The following SUGCT variants were observed in gnomAD, a reference collection of about 807,000 sequenced individuals.
SUGCT encodes the protein succinyl-CoA:glutarate CoA-transferase.
Under a neutral mutation model 55.0 loss-of-function variants are expected in SUGCT, and 41 were observed. The ratio of observed to expected loss-of-function variants is 0.74; its 90% CI spans 0.58 to 0.97. SUGCT has a LOEUF of 0.97. Ranked by LOEUF, SUGCT falls within the 50% of genes least tolerant of loss-of-function variation. SUGCT has a pLI of 0.00. For missense variants in SUGCT, 568 were observed against 547.8 expected, an observed-to-expected ratio of 1.04 and a Z score of -0.37; for synonymous variants, 187 against 200.4, an observed-to-expected ratio of 0.93 and a Z score of 0.56.
At chr7:40,720,030 C>T (rs993820683) in intron 12 of SUGCT, among the ~76,000 whole-genome samples, 1 of 152,166 alleles carries the variant, frequency 6.6e-6, no homozygotes, top group Admixed American at 6.5e-5. Flanking sequence ...AAGTGATCCA[C>T]CTGCCTCGGC....
chr7:40,862,238 G>C (rs1794501962), downstream of SUGCT, among the ~76,000 whole-genome samples: 1 of 151,330 alleles, frequency 6.6e-6, no homozygotes, highest in African/African-American at 2.4e-5. Flanking sequence ...GTACAGCTCA[G>C]TCTTCAGACA....
intron 12 of SUGCT, among the ~76,000 whole-genome samples, chr7:40,711,731 T>C (rs535732859): frequency 4.6e-5 from 7 of 152,348 alleles, no homozygotes; most frequent in African/African-American, 1.4e-4. Flanking sequence ...GAGTCACTCA[T>C]TGAATTTATA....
intron 13 of SUGCT, among the ~76,000 whole-genome samples, chr7:40,794,626 CT>C (rs768224495): frequency 1.3e-5 from 2 of 152,124 alleles, no homozygotes; most frequent in Non-Finnish European, 2.9e-5. Flanking sequence ...CCTGGGGAAG[CT>C]GCTAGCTTCG....
chr7:40,749,287 T>A, intron 12 of SUGCT, 147 bp from the exon 13 acceptor site: 3 of 683,040 alleles, frequency 4.4e-6, no homozygotes, highest in Non-Finnish European at 7.8e-6. Context: ...TTATGTCAAA[T>A]GTTTACTTTC....
intron 7 of SUGCT, among the ~76,000 whole-genome samples, chr7:40,243,807 AACTT>A (rs1348670131): frequency 6.6e-6 from 1 of 152,224 alleles, no homozygotes; most frequent in African/African-American, 2.4e-5. Flanking sequence ...AATTTAAAAA[AACTT>A]AATAACATCT....
chr7:40,781,466 GATACACACACAC>G (rs372507227), intron 13 of SUGCT, among the ~76,000 whole-genome samples: 141 of 152,108 alleles, frequency 9.3e-4, no homozygotes, highest in Non-Finnish European at 1.6e-3. Flanking sequence ...GTGCAGGGAA[GATACACACACAC>G]ATACACACAC....
intron 9 of SUGCT, among the ~76,000 whole-genome samples, chr7:40,404,097 G>C (rs1786231081): frequency 6.6e-6 from 1 of 152,168 alleles, no homozygotes; most frequent in South Asian, 2.1e-4. Flanking sequence ...ACTGGTACAG[G>C]TCACTTAGGA....
At chr7:40,901,304 TCTC>T in the SUGCT span, among the ~76,000 whole-genome samples, 4 of 152,196 alleles carry the variant, frequency 2.6e-5, no homozygotes, top group Admixed American at 6.5e-5. Context: ...TGGTCCTAAA[TCTC>T]CTGTTTTCTC....
In SUGCT at chr7:40,459,197, C is replaced by G; in HGVS notation, c.985C>G (p.Arg329Gly). 6.3e-7 allele frequency: 1 copy of G among 1,578,364 alleles called. No individual in the cohort carries two copies. Among genetic ancestry groups the G allele is most frequent in the Non-Finnish European group, 8.7e-7 (1 of 1,150,570 alleles). ...AGAGCTTATTAAAATATTATCTGAA[C>G]GGTAAGTTTGGATGTTGTATTCATC... Reference protein sequence around the residue: ...RKELIKILSERFEEELTSKWL... With the variant: ...RKELIKILSEGFEEELTSKWL... The change falls in exon 11 of 14, where the codon CGG (arginine) becomes GGG (glycine). Residue 329 changes from arginine (R) to glycine (G), a missense_variant and splice_region_variant. By Grantham distance (125) the Arg-to-Gly change is moderately radical (BLOSUM62 -2). Coordinates refer to ENST00000335693, the MANE Select transcript of SUGCT (RefSeq NM_001193313.2).
chr7:40,920,909 C>T, the SUGCT span, among the ~76,000 whole-genome samples: 2 of 152,304 alleles, frequency 1.3e-5, no homozygotes, highest in East Asian at 1.9e-4. Context: ...AAATGCCAAG[C>T]GTGTTCATTT....
chr7:40,858,689 G>T (rs1794328219), intron 13 of SUGCT, among the ~76,000 whole-genome samples: 1 of 152,164 alleles, frequency 6.6e-6, no homozygotes, highest in South Asian at 2.1e-4. Flanking sequence ...TGTGGACCCT[G>T]CCTCCCAGTG....
chr7:40,381,681 T>C (rs1014896500), intron 9 of SUGCT, among the ~76,000 whole-genome samples: 3 of 152,120 alleles, frequency 2.0e-5, no homozygotes, highest in African/African-American at 7.2e-5. Context: ...CTAAGGAATA[T>C]GTTGGCAGTT....
At chr7:40,980,610 G>C in the SUGCT span, among the ~76,000 whole-genome samples, 1 of 151,842 alleles carries the variant, frequency 6.6e-6, no homozygotes, top group Non-Finnish European at 1.5e-5. Context: ...GACAGGCATA[G>C]GATAGACATT....
At chr7:40,557,647 C>T (rs1339140342) in intron 12 of SUGCT, among the ~76,000 whole-genome samples, 1 of 151,894 alleles carries the variant, frequency 6.6e-6, no homozygotes, top group African/African-American at 2.4e-5. Context: ...GTGGCATGTG[C>T]CTGTAGTCCC....
chr7:40,275,339 A>G (rs1464488517), intron 8 of SUGCT, among the ~76,000 whole-genome samples: 6 of 152,162 alleles, frequency 3.9e-5, no homozygotes, highest in African/African-American at 7.2e-5. Flanking sequence ...TTTCCTTGCA[A>G]TTGTGTTTTT....
the SUGCT span, among the ~76,000 whole-genome samples, chr7:40,962,409 C>T: frequency 6.6e-6 from 1 of 152,132 alleles, no homozygotes; most frequent in Non-Finnish European, 1.5e-5. Context: ...CAGCTGGCTT[C>T]ACCTCTCAGA....
the SUGCT span, among the ~76,000 whole-genome samples, chr7:40,927,902 G>A: frequency 6.6e-6 from 1 of 152,168 alleles, no homozygotes; most frequent in Admixed American, 6.5e-5. Context: ...ACTCATACAT[G>A]AGAGTTTAGG....
chr7:40,751,807 A>G (rs1263054498), intron 13 of SUGCT, among the ~76,000 whole-genome samples: 1 of 152,220 alleles, frequency 6.6e-6, no homozygotes, highest in Non-Finnish European at 1.5e-5. Context: ...GAAAGTCAAT[A>G]TGATTGTCAG....
the SUGCT span, among the ~76,000 whole-genome samples, chr7:40,896,921 A>G: frequency 1.3e-5 from 2 of 152,230 alleles, no homozygotes; most frequent in Non-Finnish European, 2.9e-5. Context: ...AACAAAAAGA[A>G]CAAAGCTGGA....
Sources: gnomAD v4.1 joint callset for allele counts (sites outside exome capture counted in the v4.1 genomes callset) on GRCh38, gnomAD v4.1.1 for gene constraint, MANE v1.5 for transcripts, NCBI Gene and HGNC (gene_info 2026-07-23, HGNC 2026-07-21) for gene names.